SAMSN1: variants seen among roughly 807,000 people sequenced by gnomAD.
SAMSN1 encodes the protein SAM domain, SH3 domain and nuclear localization signals 1, also known as SAM domain-containing protein SAMSN-1.
SAMSN1 carries 31 observed loss-of-function variants against 42.0 expected under a neutral mutation model. The ratio of observed to expected loss-of-function variants is 0.74; its 90% CI spans 0.55 to 1.00. The LOEUF is 1.00. Among genes scored for constraint, SAMSN1 ranks in the 50% least tolerant of loss-of-function variants. The pLI, the probability that SAMSN1 is intolerant of heterozygous loss-of-function variation, is 0.00. For missense variants in SAMSN1, 464 were observed against 439.4 expected, an observed-to-expected ratio of 1.06 and a Z score of -0.50; for synonymous variants, 178 against 151.9, an observed-to-expected ratio of 1.17 and a Z score of -1.26.
intron 2 of SAMSN1, among the ~76,000 whole-genome samples, chr21:14,629,007 G>A (rs1983253157): frequency 6.6e-6 from 1 of 152,218 alleles, no homozygotes; most frequent in South Asian, 2.1e-4. Context: ...GATAAAACTA[G>A]GGTTTTGTGC....
intron 1 of SAMSN1, among the ~76,000 whole-genome samples, chr21:14,650,542 G>A (rs1277636828): frequency 1.3e-5 from 2 of 151,982 alleles, no homozygotes; most frequent in African/African-American, 4.8e-5. Context: ...GCAGTACTAA[G>A]AGGGAAGTTT....
At chr21:14,571,539 G>A (rs891778959) in intron 2 of SAMSN1, among the ~76,000 whole-genome samples, 6 of 152,194 alleles carry the variant, frequency 3.9e-5, no homozygotes, top group Non-Finnish European at 7.4e-5. Flanking sequence ...CCAGGAAGGA[G>A]AGGGAACATG....
At chr21:14,538,304 C>T (rs548227706) in intron 1 of SAMSN1, among the ~76,000 whole-genome samples, 3 of 152,064 alleles carry the variant, frequency 2.0e-5, no homozygotes, top group African/African-American at 7.2e-5. Flanking sequence ...AAATTGTACC[C>T]CAGATGAAGA....
chr21:14,600,317 ACT>A (rs1192705767), intron 6 of SAMSN1, among the ~76,000 whole-genome samples: 1 of 152,126 alleles, frequency 6.6e-6, no homozygotes. Flanking sequence ...TTTGCATAAC[ACT>A]CTTTGTTAAA....
At chr21:14,626,472 T>G (rs903391723) in intron 2 of SAMSN1, among the ~76,000 whole-genome samples, 2 of 152,058 alleles carry the variant, frequency 1.3e-5, no homozygotes, top group Non-Finnish European at 2.9e-5. Context: ...GAACAAAGGA[T>G]ATGAACAGAC....
chr21:14,649,782 C>CAT lies in SAMSN1; in HGVS notation c.25-6650_25-6649insAT, dbSNP rs749442631. On this transcript the variant is annotated intron_variant, in intron 1 of 15. Coordinates refer to the SAMSN1 transcript ENST00000647101. The stretch of plus-strand genomic sequence containing the variant: ...GAGACACTGTCTCAAAACACACACA[C>CAT]ACACACACACACACACACACACACA... Among the ~76,000 whole-genome samples, 534 of 147,980 alleles carry CAT rather than the reference C, an allele frequency of 3.6e-3. 5 individuals are homozygous for CAT. Among genetic ancestry groups the CAT allele is most frequent in the African/African-American group, 8.0e-3 (309 of 38,524 alleles).
intron 2 of SAMSN1, among the ~76,000 whole-genome samples, chr21:14,554,797 C>T (rs1289547380): frequency 6.6e-6 from 1 of 150,940 alleles, no homozygotes; most frequent in African/African-American, 2.4e-5. Context: ...CTCCCAGGCT[C>T]AAGCAATCCT....
intron 1 of SAMSN1, among the ~76,000 whole-genome samples, chr21:14,648,906 C>A (rs1345579628): frequency 6.6e-6 from 1 of 151,498 alleles, no homozygotes; most frequent in Non-Finnish European, 1.5e-5. Flanking sequence ...TTGACCCAGC[C>A]ATCCCATTAC....
At chr21:14,646,321 A>C (rs1384960783) in intron 1 of SAMSN1, among the ~76,000 whole-genome samples, 1 of 152,202 alleles carries the variant, frequency 6.6e-6, no homozygotes, top group Non-Finnish European at 1.5e-5. Context: ...CCGGCAACAG[A>C]CTTTTCAGTG....
intron 2 of SAMSN1, among the ~76,000 whole-genome samples, chr21:14,624,210 A>G (rs568789377): frequency 2.6e-5 from 4 of 152,352 alleles, no homozygotes; most frequent in East Asian, 3.9e-4. Context: ...CACCACAATT[A>G]AAAGAACTAG....
chr21:14,536,140 C>G (rs1352348663), intron 1 of SAMSN1, among the ~76,000 whole-genome samples: 1 of 152,004 alleles, frequency 6.6e-6, no homozygotes, highest in African/African-American at 2.4e-5. Context: ...ATCTTTAACA[C>G]TAGAAAGGAG....
chr21:14,545,714 C>A (rs77752494), intron 1 of SAMSN1, among the ~76,000 whole-genome samples: 1 of 152,042 alleles, frequency 6.6e-6, no homozygotes, highest in Non-Finnish European at 1.5e-5. Flanking sequence ...ATCTTTACAA[C>A]GAGCTATCAT....
At chr21:14,623,628 A>G (rs868274582) in intron 2 of SAMSN1, among the ~76,000 whole-genome samples, 29 of 152,338 alleles carry the variant, frequency 1.9e-4, no homozygotes, top group Middle Eastern at 3.4e-3. Context: ...TCATAAAGCA[A>G]GTCCTTAGAG....
upstream of SAMSN1, among the ~76,000 whole-genome samples, chr21:14,587,726 TG>T (rs201251188): frequency 2.2e-3 from 335 of 151,444 alleles, 2 homozygotes; most frequent in African/African-American, 5.6e-3. Context: ...ACAATTTTTT[TG>T]TTGTTTTATC....
chr21:14,503,457 T>A (rs1288079313), intron 5 of SAMSN1, among the ~76,000 whole-genome samples: 1 of 152,118 alleles, frequency 6.6e-6, no homozygotes, highest in Non-Finnish European at 1.5e-5. Flanking sequence ...TCAGGTGAGA[T>A]CACAGCTTTC....
intron 3 of SAMSN1, among the ~76,000 whole-genome samples, chr21:14,613,487 T>C (rs1982761510): frequency 6.6e-6 from 1 of 152,184 alleles, no homozygotes; most frequent in African/African-American, 2.4e-5. Context: ...ACTAACATTG[T>C]TATAGCTTAA....
chr21:14,606,583 T>C (rs1454836084), intron 5 of SAMSN1, among the ~76,000 whole-genome samples: 1 of 152,170 alleles, frequency 6.6e-6, no homozygotes, highest in African/African-American at 2.4e-5. Context: ...ATTATAAATA[T>C]TCTTCCTATC....
chr21:14,485,907 C>A lies in SAMSN1; in HGVS notation c.*5G>T, dbSNP rs373757186. ...ATCTGTAGATATATAGTTGGGAATGCGTGTTCAGTCACTTGGCTCTGTGAT... is the reference window on the plus strand; with the variant it reads ...ATCTGTAGATATATAGTTGGGAATGAGTGTTCAGTCACTTGGCTCTGTGAT... On this transcript the variant is annotated 3_prime_UTR_variant, in exon 8 of 8. Coordinates refer to ENST00000400566, the MANE Select transcript of SAMSN1 (RefSeq NM_022136.5). 1.9e-6 allele frequency: 3 copies of A among 1,609,622 alleles called. No homozygotes were observed. The highest frequency in any genetic ancestry group is 2.5e-6 in the Non-Finnish European group (3 of 1,176,488).
Position 14,581,992 on chromosome 21 carries a change from T to C in SAMSN1, c.261+144A>G, listed in dbSNP as rs537648976. On this transcript the variant is annotated intron_variant, in intron 2 of 8. Coordinates refer to the SAMSN1 transcript ENST00000285670. ...ATGGGTAAAAGTCACAAGAGTTTGGTTGCTTTTTGGAAAGACAACTCTTGC... is the reference window on the plus strand; with the variant it reads ...ATGGGTAAAAGTCACAAGAGTTTGGCTGCTTTTTGGAAAGACAACTCTTGC... 30 of 678,660 alleles carry C rather than the reference T, an allele frequency of 4.4e-5. No homozygotes were observed. In the South Asian group the frequency reaches 8.3e-4, roughly 19 times the overall value. The allele number at this position is 678,660 out of a possible 1,614,324, so 42.0% of individuals were successfully genotyped here. A position where few individuals can be genotyped will look rare whatever the true frequency, so the allele number is the denominator to read the frequency against.
Sources: gnomAD v4.1 joint callset for allele counts (sites outside exome capture counted in the v4.1 genomes callset) on GRCh38, gnomAD v4.1.1 for gene constraint, MANE v1.5 for transcripts, NCBI Gene and HGNC (gene_info 2026-07-23, HGNC 2026-07-21) for gene names.